The following PCCA variants were observed in gnomAD, a reference collection of about 807,000 sequenced individuals.
The protein encoded by PCCA is propionyl-CoA carboxylase alpha chain, mitochondrial.
PCCA carries 74 observed loss-of-function variants against 101.3 expected under a neutral mutation model. The ratio of observed to expected loss-of-function variants is 0.73; its 90% CI spans 0.61 to 0.89. The LOEUF (loss-of-function observed/expected upper bound fraction) is 0.89, where lower values mean the gene tolerates loss of function less well. PCCA is among the 40% of genes least tolerant of loss of function. The pLI is 0.00. For missense variants in PCCA, 891 were observed against 907.0 expected (o/e 0.98, Z 0.23); for synonymous variants, 294 against 313.6 (o/e 0.94, Z 0.66).
Position 100,362,947 on chromosome 13 carries a change from C to G in PCCA, c.1644-5525C>G, listed in dbSNP as rs373409141. On this transcript the variant is annotated intron_variant, in intron 18 of 23. Transcript: ENST00000376285. ...TGAAAATGCTGCTTTTATCTTTCTT[C>G]TGCAGTGATGAACTTTAATGTTGGA... is the stretch of plus-strand genomic sequence containing the variant. 1.0e-3 allele frequency among the ~76,000 whole-genome samples: 154 copies of G among 152,306 alleles called. 4 individuals carry two copies. The South Asian group carries it at 0.029, about 29-fold the overall frequency.
At chr13:100,306,575 A>AT (rs200518992) in intron 14 of PCCA, among the ~76,000 whole-genome samples, 1,598 of 152,282 alleles carry the variant, frequency 0.01, 18 homozygotes, top group Middle Eastern at 0.048. Flanking sequence ...CTTCAAAAGA[A>AT]TATTTTGAAC....
intron 23 of PCCA, among the ~76,000 whole-genome samples, chr13:100,529,532 C>T (rs1403448237): frequency 6.6e-6 from 1 of 152,184 alleles, no homozygotes; most frequent in Non-Finnish European, 1.5e-5. Context: ...GGCACAGTTC[C>T]ACCCACCCAT....
intron 6 of PCCA, among the ~76,000 whole-genome samples, chr13:100,174,110 A>T (rs1431957224): frequency 6.6e-6 from 1 of 152,156 alleles, no homozygotes; most frequent in Non-Finnish European, 1.5e-5. Flanking sequence ...GCGGTTTCAC[A>T]TGTGCTTAAA....
chr13:100,242,274 G>T (rs904081852), intron 8 of PCCA, among the ~76,000 whole-genome samples: 2 of 152,152 alleles, frequency 1.3e-5, no homozygotes, highest in Non-Finnish European at 2.9e-5. Flanking sequence ...GCATACTAAT[G>T]TCAGACAAGA....
At chr13:100,493,124 C>T (rs2085022310) in intron 21 of PCCA, among the ~76,000 whole-genome samples, 1 of 152,242 alleles carries the variant, frequency 6.6e-6, no homozygotes, top group Non-Finnish European at 1.5e-5. Flanking sequence ...CCCCCAGACA[C>T]TACCATGGGG....
intron 8 of PCCA, chr13:100,237,166 A>G (rs1209760314): frequency 6.6e-6 from 1 of 152,266 alleles, no homozygotes; most frequent in Non-Finnish European, 1.5e-5. Context: ...CACTTGTACT[A>G]GTAAGCGTGT....
chr13:100,511,877 G>C (rs1449565073), intron 21 of PCCA, among the ~76,000 whole-genome samples: 1 of 152,208 alleles, frequency 6.6e-6, no homozygotes, highest in East Asian at 1.9e-4. Context: ...GCTGTAAGGA[G>C]GTGCATGTAC....
At chr13:100,387,799 T>C (rs1225501209) in intron 19 of PCCA, among the ~76,000 whole-genome samples, 3 of 152,302 alleles carry the variant, frequency 2.0e-5, no homozygotes, top group Admixed American at 6.5e-5. Context: ...GAAAATTGCT[T>C]GTCTAATTGG....
chr13:100,132,756 A>T (rs1466121998), intron 4 of PCCA, among the ~76,000 whole-genome samples: 4 of 152,028 alleles, frequency 2.6e-5, no homozygotes, highest in Non-Finnish European at 4.4e-5. Context: ...GTGGTTCTTC[A>T]TCCACTTCAG....
At chr13:100,306,835 G>C (rs1016947819) in intron 14 of PCCA, among the ~76,000 whole-genome samples, 1 of 152,220 alleles carries the variant, frequency 6.6e-6, no homozygotes, top group African/African-American at 2.4e-5. Flanking sequence ...TCACTGGTGG[G>C]CTCAGAAGGG....
chr13:100,268,071 T>G (rs1015131584), intron 10 of PCCA, among the ~76,000 whole-genome samples: 2 of 152,208 alleles, frequency 1.3e-5, no homozygotes, highest in Non-Finnish European at 2.9e-5. Flanking sequence ...CAGTGACTGT[T>G]TCCTTTGAGC....
rs543020879 is a variant in PCCA, at chr13:100,302,838, A to T, written c.1210-86A>T. ...ACCATATGTTGAAAATAGACCTATA[A>T]ATGGTTCTTCATTGTGTAAATATTT... On this transcript the variant is annotated intron_variant, in intron 13 of 23. Transcript: ENST00000376285. The T allele has an allele frequency of 2.6e-5, 21 of 817,048 alleles. No individual in the cohort carries two copies. In the African/African-American group the frequency reaches 3.2e-4, roughly 12 times the overall value. 50.6% of individuals were successfully genotyped at this position (817,048 alleles called of 1,614,324 possible).
chr13:100,501,873 C>A (rs11069400), intron 21 of PCCA, among the ~76,000 whole-genome samples: 33,248 of 150,086 alleles, frequency 0.22, 4,748 homozygotes, highest in East Asian at 0.56. Flanking sequence ...CACTCCTTCT[C>A]AATAAATAAA....
At chr13:100,511,137 G>C (rs1486291104) in intron 21 of PCCA, among the ~76,000 whole-genome samples, 1 of 152,228 alleles carries the variant, frequency 6.6e-6, no homozygotes, top group Non-Finnish European at 1.5e-5. Context: ...TAGGAGAGTA[G>C]AACGTGGTTG....
intron 21 of PCCA, among the ~76,000 whole-genome samples, chr13:100,450,922 A>G (rs1413372040): frequency 6.6e-6 from 1 of 152,240 alleles, no homozygotes; most frequent in Admixed American, 6.5e-5. Context: ...TCTCCAGAGA[A>G]ATGGAATCAA....
intron 22 of PCCA, among the ~76,000 whole-genome samples, chr13:100,516,921 A>C (rs1438347708): frequency 6.6e-6 from 1 of 152,130 alleles, no homozygotes; most frequent in African/African-American, 2.4e-5. Context: ...GTTCGTAAAC[A>C]ATATAAGGGT....
intron 16 of PCCA, among the ~76,000 whole-genome samples, chr13:100,312,348 TAGTGTCTC>T (rs1472790919): frequency 1.3e-5 from 2 of 152,230 alleles, no homozygotes; most frequent in Non-Finnish European, 1.5e-5. Flanking sequence ...TTAGGACTCA[TAGTGTCTC>T]TGTGTCTCTG....
chr13:100,492,209 A>T (rs1306841575), intron 21 of PCCA, among the ~76,000 whole-genome samples: 2 of 151,444 alleles, frequency 1.3e-5, no homozygotes, highest in Non-Finnish European at 2.9e-5. Flanking sequence ...ATCTCGGCTC[A>T]CTGCAAGCTC....
In PCCA at chr13:100,342,763, C is replaced by G. The variant is rs192965610; in HGVS notation, c.1643+2504C>G. 8.1e-4 allele frequency among the ~76,000 whole-genome samples: 104 copies of G among 128,304 alleles called. 1 individual carries two copies. The highest frequency in any genetic ancestry group is 2.9e-3 in the African/African-American group (98 of 33,884). The allele number at this position is 128,304 out of a possible 152,430, so 84.2% of individuals were successfully genotyped here. ...AGAGATGAAGTCTTGCTTTTGTCGC[C>G]CAGGCTGAAGTGTAGTGGCACAGTC... is the stretch of plus-strand genomic sequence containing the variant. On this transcript the variant is annotated intron_variant, in intron 18 of 23. Coordinates refer to ENST00000376285, the MANE Select transcript of PCCA (RefSeq NM_000282.4).
Sources: gnomAD v4.1 joint callset for allele counts (sites outside exome capture counted in the v4.1 genomes callset) on GRCh38, gnomAD v4.1.1 for gene constraint, MANE v1.5 for transcripts, NCBI Gene and HGNC (gene_info 2026-07-23, HGNC 2026-07-21) for gene names.